Variants in TMOD3 observed in about 807,000 individuals in gnomAD.
TMOD3 encodes the protein tropomodulin 3, also known as tropomodulin-3.
In TMOD3, 20 loss-of-function variants were observed where a neutral mutation model predicts 39.2. The ratio of observed to expected loss-of-function variants is 0.51; its 90% CI spans 0.36 to 0.74. TMOD3 has a LOEUF of 0.74. Ranked by LOEUF, TMOD3 falls within the 30% of genes least tolerant of loss-of-function variation. The probability of loss-of-function intolerance (pLI) is 0.00; values close to 1 mark genes in which losing one functional copy is unlikely to be tolerated. For synonymous variants in TMOD3, 143 were observed against 145.8 expected, an observed-to-expected ratio of 0.98 and a Z score of 0.14; for missense variants, 381 against 412.8, an observed-to-expected ratio of 0.92 and a Z score of 0.67.
rs2056701157 is a variant in TMOD3, at chr15:51,909,833, A to G, written c.*1023A>G. 2 of 152,262 alleles carry G rather than the reference A, an allele frequency of 1.3e-5. No homozygotes were observed. The highest frequency in any genetic ancestry group is 6.5e-5 in the Admixed American group (1 of 15,282). The allele number at this position is 152,262 out of a possible 1,614,324, so 9.4% of individuals were successfully genotyped here. On this transcript the variant is annotated 3_prime_UTR_variant, in exon 10 of 10. Coordinates refer to ENST00000308580, the MANE Select transcript of TMOD3 (RefSeq NM_014547.5). ...GTTCCTATGTGCAGTGCAGAATTGC[A>G]TAAACAGTATTTAATCACTGCTACA... is the stretch of plus-strand genomic sequence containing the variant.
rs1454277203 is a variant in TMOD3 at position 51,901,871 on chromosome 15, CT to C, written c.880-14del. 1.2e-6 allele frequency: 2 copies of C among 1,604,746 alleles called. No homozygotes were observed. The highest frequency in any genetic ancestry group is 1.7e-6 in the Non-Finnish European group (2 of 1,176,878). ...TTTGATCTAGTTTATTAATATTGTTCTTTTTTTCTAATTACTCCAGAGGCAG... is the reference window on the plus strand; with the variant it reads ...TTTGATCTAGTTTATTAATATTGTTCTTTTTTCTAATTACTCCAGAGGCAG... On this transcript the variant is annotated intron_variant, in intron 8 of 9. Coordinates refer to ENST00000308580, the MANE Select transcript of TMOD3 (RefSeq NM_014547.5).
chr15:51,905,901 G>T (rs565323685), intron 9 of TMOD3, among the ~76,000 whole-genome samples: 28 of 119,458 alleles, frequency 2.3e-4, no homozygotes, highest in Non-Finnish European at 4.1e-4. Context: ...CCGAGATTGC[G>T]CCACTGCAGT....
At chr15:51,895,141 T>C (rs1343277997) in intron 6 of TMOD3, among the ~76,000 whole-genome samples, 1 of 151,948 alleles carries the variant, frequency 6.6e-6, no homozygotes, top group Non-Finnish European at 1.5e-5. Flanking sequence ...TCTGTGCTCC[T>C]CTAGGGAGTG....
chr15:51,900,037 T>C (rs1230309133), intron 7 of TMOD3, 118 bp from the exon 8 acceptor site: 2 of 1,027,652 alleles, frequency 1.9e-6, no homozygotes, highest in Non-Finnish European at 2.8e-6. Context: ...TGTGTCAAAC[T>C]GAAACAACTA....
Position 51,909,413 on chromosome 15 carries a change from G to C in TMOD3, c.*603G>C, listed in dbSNP as rs1298996793. 6.6e-6 allele frequency: 1 copy of C among 152,622 alleles called. No homozygotes were observed. The highest frequency in any genetic ancestry group is 2.4e-5 in the African/African-American group (1 of 41,454). The allele number at this position is 152,622 out of a possible 1,614,324, so 9.5% of individuals were successfully genotyped here. Reference sequence around the variant, plus strand: ...TTCCAGGTTACTGCACTTGTCTGATGTGACGTAGCAACACCCAGGTCTTCT... The same window carrying C: ...TTCCAGGTTACTGCACTTGTCTGATCTGACGTAGCAACACCCAGGTCTTCT... On this transcript the variant is annotated 3_prime_UTR_variant, in exon 10 of 10. Transcript: ENST00000308580.
intron 5 of TMOD3, among the ~76,000 whole-genome samples, chr15:51,891,575 G>A (rs753498468): frequency 2.6e-5 from 4 of 152,040 alleles, no homozygotes; most frequent in Non-Finnish European, 2.9e-5. Context: ...TGAACCTTTT[G>A]CTTAATAATT....
intron 1 of TMOD3, among the ~76,000 whole-genome samples, chr15:51,857,835 C>T (rs2056395838): frequency 6.6e-6 from 1 of 151,120 alleles, no homozygotes; most frequent in African/African-American, 2.4e-5. Context: ...TTACCCTTAT[C>T]TGTCTGAAAT....
intron 1 of TMOD3, among the ~76,000 whole-genome samples, chr15:51,832,247 C>T (rs1213027119): frequency 2.2e-5 from 2 of 92,350 alleles, no homozygotes; most frequent in Non-Finnish European, 4.9e-5. Flanking sequence ...GACATGGTTC[C>T]TGTCTAGGAC....
At chr15:51,859,271 G>A (rs2056404023) in intron 1 of TMOD3, 1 of 739,072 alleles carries the variant, frequency 1.4e-6, no homozygotes, top group Middle Eastern at 2.4e-4. Flanking sequence ...CTCGCCAGTA[G>A]ATCTGTCTGC....
chr15:51,869,361 G>A lies in TMOD3; in HGVS notation c.271G>A (p.Gly91Arg), dbSNP rs1339653852. The A allele has an allele frequency of 6.2e-7, 1 of 1,604,638 alleles. No individual in the cohort carries two copies. The highest frequency in any genetic ancestry group is 1.3e-5 in the African/African-American group (1 of 74,178). The change falls in exon 3 of 10, where the codon GGA becomes AGA. Residue 91 changes from glycine (G) to arginine (R), a missense_variant. Coordinates refer to ENST00000308580, the MANE Select transcript of TMOD3 (RefSeq NM_014547.5). ...CAGGGAAGACTATGTGCCCTACACT[G>A]GAGAAAAAAAAGGTAAGCCCCAGAA... ...KDREDYVPYT[G>R]EKKGKIFIPK...
intron 1 of TMOD3, among the ~76,000 whole-genome samples, chr15:51,840,481 A>G (rs2056307839): frequency 6.6e-6 from 1 of 152,336 alleles, no homozygotes; most frequent in African/African-American, 2.4e-5. Flanking sequence ...AAATTAACAT[A>G]TCAATCCCAT....
At chr15:51,867,961 C>T (rs1024960471) in intron 2 of TMOD3, among the ~76,000 whole-genome samples, 1 of 152,180 alleles carries the variant, frequency 6.6e-6, no homozygotes, top group East Asian at 1.9e-4. Flanking sequence ...AGGCTGTACC[C>T]GTGTGGAAAC....
intron 1 of TMOD3, among the ~76,000 whole-genome samples, chr15:51,856,212 G>T (rs569272604): frequency 6.6e-6 from 1 of 152,166 alleles, no homozygotes; most frequent in East Asian, 1.9e-4. Context: ...GCAGTGAGCC[G>T]TCATTGCACC....
intron 1 of TMOD3, among the ~76,000 whole-genome samples, chr15:51,848,782 A>G (rs2056347610): frequency 6.6e-6 from 1 of 152,266 alleles, no homozygotes; most frequent in Non-Finnish European, 1.5e-5. Context: ...ATGAAAGGAT[A>G]TGACTGCCAG....
chr15:51,907,533 C>T (rs1421747575), intron 9 of TMOD3, among the ~76,000 whole-genome samples: 1 of 152,186 alleles, frequency 6.6e-6, no homozygotes, highest in Admixed American at 6.5e-5. Context: ...AGCACAAGAG[C>T]AGAGTGTCTA....
chr15:51,871,883 G>C (rs2056476522), intron 3 of TMOD3, among the ~76,000 whole-genome samples: 1 of 152,124 alleles, frequency 6.6e-6, no homozygotes, highest in Non-Finnish European at 1.5e-5. Context: ...TTCACAATCA[G>C]TGGTTTCTCT....
intron 1 of TMOD3, among the ~76,000 whole-genome samples, chr15:51,856,192 A>C (rs536093693): frequency 1.3e-5 from 2 of 152,286 alleles, no homozygotes; most frequent in Admixed American, 1.3e-4. Context: ...GAGCCCAGGA[A>C]GCAGAGGCTG....
chr15:51,854,719 C>T (rs1284885465), intron 1 of TMOD3, among the ~76,000 whole-genome samples: 1 of 152,120 alleles, frequency 6.6e-6, no homozygotes, highest in Non-Finnish European at 1.5e-5. Context: ...CAAAACAAAG[C>T]AGTTCTCCCA....
chr15:51,911,375 T>A lies in TMOD3; in HGVS notation c.*2565T>A, dbSNP rs1176141854. 1 of 152,228 alleles carries A rather than the reference T, an allele frequency of 6.6e-6. No individual in the cohort carries two copies. The highest frequency in any genetic ancestry group is 1.5e-5 in the Non-Finnish European group (1 of 68,044). 9.4% of individuals were successfully genotyped at this position (152,228 alleles called of 1,614,324 possible). Reference sequence around the variant, plus strand: ...TCATTGTATAACTGAAAGAAATGATTTCTTCATAAGTGACATTAAATATGA... The same window carrying A: ...TCATTGTATAACTGAAAGAAATGATATCTTCATAAGTGACATTAAATATGA... On this transcript the variant is annotated 3_prime_UTR_variant, in exon 10 of 10. Coordinates refer to ENST00000308580, the MANE Select transcript of TMOD3 (RefSeq NM_014547.5).
Sources: gnomAD v4.1 joint callset for allele counts (sites outside exome capture counted in the v4.1 genomes callset) on GRCh38, gnomAD v4.1.1 for gene constraint, MANE v1.5 for transcripts, NCBI Gene and HGNC (gene_info 2026-07-23, HGNC 2026-07-21) for gene names.